The following CEP164 variants were observed in gnomAD, a reference collection of about 807,000 sequenced individuals.
CEP164 encodes the protein centrosomal protein of 164 kDa.
Under a neutral mutation model 182.7 loss-of-function variants are expected in CEP164, and 162 were observed. That is an observed-to-expected ratio of 0.89 (90% CI 0.78 to 1.01). The LOEUF is 1.01. Ranked by LOEUF, CEP164 falls within the 50% of genes least tolerant of loss-of-function variation. CEP164 has a pLI of 0.00. For synonymous variants in CEP164, 661 were observed against 690.0 expected (o/e 0.96, Z 0.66); for missense variants, 1,735 against 1,790.4 (o/e 0.97, Z 0.56).
chr11:117,344,288 AG>A lies in CEP164; in HGVS notation c.194+16del. On this transcript the variant is annotated intron_variant, in intron 4 of 32. Coordinates refer to ENST00000278935, the MANE Select transcript of CEP164 (RefSeq NM_014956.5). Reference sequence around the variant, plus strand: ...AGAGTGGAAACCATGGTAAGTCAGCAGGGGGTGCGGCCACTGACTTGGCCTA... The same window carrying A: ...AGAGTGGAAACCATGGTAAGTCAGCAGGGGTGCGGCCACTGACTTGGCCTA... 1.3e-6 allele frequency: 2 copies of A among 1,592,926 alleles called. No individual in the cohort carries two copies. The highest frequency in any genetic ancestry group is 1.1e-5 in the South Asian group (1 of 89,582).
At chr11:117,340,967 C>T (rs764377644) in intron 3 of CEP164, among the ~76,000 whole-genome samples, 2 of 152,196 alleles carry the variant, frequency 1.3e-5, no homozygotes, top group Non-Finnish European at 2.9e-5. Context: ...GCTGGGACTA[C>T]AGGTGCACGC....
intron 10 of CEP164, 91 bp downstream of exon 10, chr11:117,373,922 T>G: frequency 9.1e-7 from 1 of 1,097,576 alleles, no homozygotes; most frequent in Non-Finnish European, 1.4e-6. Flanking sequence ...ATCACGCAGC[T>G]TATAAGTGGG....
At chr11:117,404,915 C>T (rs551654073) in intron 27 of CEP164, among the ~76,000 whole-genome samples, 26 of 152,290 alleles carry the variant, frequency 1.7e-4, no homozygotes, top group South Asian at 1.0e-3. Context: ...TGGTGGGCTC[C>T]GTCCAGTTTG....
Position 117,408,481 on chromosome 11 carries a change from G to T in CEP164, c.3610-409G>T, listed in dbSNP as rs2046964099. On this transcript the variant is annotated intron_variant, in intron 28 of 32. Coordinates refer to ENST00000278935, the MANE Select transcript of CEP164 (RefSeq NM_014956.5). ...CAGGGAGAGCTTACTGGGAAGGGTGGTGGGGGTCTGTGTGGACCTGATGGC... is the reference window on the plus strand; with the variant it reads ...CAGGGAGAGCTTACTGGGAAGGGTGTTGGGGGTCTGTGTGGACCTGATGGC... 4 of 246,632 alleles carry T rather than the reference G, an allele frequency of 1.6e-5. 1 individual carries two copies. Among genetic ancestry groups the T allele is most frequent in the South Asian group, 1.3e-4 (2 of 15,682 alleles). The allele number at this position is 246,632 out of a possible 1,614,324, so 15.3% of individuals were successfully genotyped here.
At chr11:117,324,504 A>G (rs1004916690), upstream of CEP164, among the ~76,000 whole-genome samples, 24 of 151,580 alleles carry the variant, frequency 1.6e-4, no homozygotes, top group Non-Finnish European at 2.8e-4. Flanking sequence ...TTACTTTTTA[A>G]ATTATGTTTG....
rs779892894 is a variant in CEP164 at position 117,362,997 on chromosome 11, T to A, written c.688-432T>A. On this transcript the variant is annotated intron_variant, in intron 7 of 32. Coordinates refer to ENST00000278935, the MANE Select transcript of CEP164 (RefSeq NM_014956.5). ...GTTGTAGCATGTATTAGAACTTTGG[T>A]CCTTTTTAAGGCTGAATAATATTCC... is the stretch of plus-strand genomic sequence containing the variant. Among the ~76,000 whole-genome samples, 117 of 152,262 alleles carry A rather than the reference T, an allele frequency of 7.7e-4. 1 individual carries two copies. The highest frequency in any genetic ancestry group is 1.4e-3 in the Non-Finnish European group (93 of 68,048).
At chr11:117,376,802 A>G (rs910310218) in intron 11 of CEP164, among the ~76,000 whole-genome samples, 3 of 152,222 alleles carry the variant, frequency 2.0e-5, no homozygotes, top group Non-Finnish European at 4.4e-5. Flanking sequence ...ATGTGAAGGC[A>G]CAGTCAAAGG....
chr11:117,364,672 A>AT (rs2041420448), intron 8 of CEP164, among the ~76,000 whole-genome samples: 1 of 151,000 alleles, frequency 6.6e-6, no homozygotes, highest in South Asian at 2.1e-4. Context: ...ACACCCGGCT[A>AT]TTTTTTGTAG....
At chr11:117,327,929 A>G in intron 1 of CEP164, 25 bp downstream of exon 1, 1 of 152,066 alleles carries the variant, frequency 6.6e-6, no homozygotes, top group Non-Finnish European at 1.5e-5. Context: ...GCGTTGGGGG[A>G]GCTGCGCCTC....
At chr11:117,388,215 C>T (rs979410378) in intron 15 of CEP164, among the ~76,000 whole-genome samples, 13 of 152,178 alleles carry the variant, frequency 8.5e-5, no homozygotes, top group Admixed American at 4.6e-4. Context: ...CCACCCTGAG[C>T]TTGGCTGACT....
intron 25 of CEP164, 47 bp from the exon 26 acceptor site, chr11:117,396,503 G>A: frequency 6.6e-7 from 1 of 1,511,572 alleles, no homozygotes; most frequent in Non-Finnish European, 9.2e-7. Context: ...CCTGCAGGGT[G>A]TCTGCTTTTG....
chr11:117,327,603 A>T (rs946176315), upstream of CEP164, among the ~76,000 whole-genome samples: 24 of 151,886 alleles, frequency 1.6e-4, no homozygotes, highest in African/African-American at 5.8e-4. Context: ...CGCCCAGCCG[A>T]TGAGGTTCTC....
At position 117,348,063 on chromosome 11, in the gene CEP164, G is replaced by A. The variant is rs1459585103; in HGVS notation, c.195-3727G>A. On this transcript the variant is annotated intron_variant, in intron 4 of 32. Coordinates refer to ENST00000278935, the MANE Select transcript of CEP164 (RefSeq NM_014956.5). The stretch of plus-strand genomic sequence containing the variant: ...TGACTCACGGCACCCTCTACCTCCC[G>A]GGTTCAAGCGATCCTCCCACCTCAG... 2.6e-5 allele frequency among the ~76,000 whole-genome samples: 4 copies of A among 151,890 alleles called. 1 individual carries two copies. The highest frequency in any genetic ancestry group is 2.0e-4 in the Admixed American group (3 of 15,232).
At position 117,394,900 on chromosome 11, in the gene CEP164, G is replaced by A. The variant is rs1182052700; in HGVS notation, c.2761-20G>A. ...TGCCTTACACTCTTTCTATGCTTATGTGTTTCCCTTTCTGGGCAGGAAAGG... is the reference window on the plus strand; with the variant it reads ...TGCCTTACACTCTTTCTATGCTTATATGTTTCCCTTTCTGGGCAGGAAAGG... On this transcript the variant is annotated intron_variant, in intron 21 of 32. Coordinates refer to ENST00000278935, the MANE Select transcript of CEP164 (RefSeq NM_014956.5). This position sits in a 1 kb window ranked among gnomAD's most constrained non-coding sequence, Gnocchi z 4.0. The A allele has an allele frequency of 6.2e-7, 1 of 1,612,496 alleles. No individual in the cohort carries two copies. The highest frequency in any genetic ancestry group is 1.1e-5 in the South Asian group (1 of 90,924).
At chr11:117,337,103 C>G (rs1015288742) in intron 2 of CEP164, among the ~76,000 whole-genome samples, 1 of 152,120 alleles carries the variant, frequency 6.6e-6, no homozygotes, top group Non-Finnish European at 1.5e-5. Context: ...CTTGGGCTGC[C>G]GTAACACAAT....
At chr11:117,366,184 G>A (rs983433121) in intron 8 of CEP164, among the ~76,000 whole-genome samples, 2 of 152,012 alleles carry the variant, frequency 1.3e-5, no homozygotes, top group African/African-American at 4.8e-5. Flanking sequence ...AGGATAGCCA[G>A]TGCTGCCTCT....
upstream of CEP164, chr11:117,323,848 C>T (rs772295444): frequency 2.3e-4 from 94 of 414,386 alleles, no homozygotes; most frequent in Non-Finnish European, 4.0e-4. Context: ...TGGTTAGTAA[C>T]GTTGAACATT....
intron 5 of CEP164, chr11:117,355,482 G>C: frequency 1.0e-5 from 13 of 1,289,640 alleles, no homozygotes; most frequent in Non-Finnish European, 1.3e-5. Flanking sequence ...CACAGCCACA[G>C]CTTAGCCAAA....
At chr11:117,328,149 C>G (rs1591910097) in intron 1 of CEP164, 1 of 152,292 alleles carries the variant, frequency 6.6e-6, no homozygotes, top group Non-Finnish European at 1.5e-5. Flanking sequence ...GACAGTTCCT[C>G]CGTTTGAAAT....
Sources: gnomAD v4.1 joint callset for allele counts (sites outside exome capture counted in the v4.1 genomes callset) on GRCh38, gnomAD v4.1.1 for gene constraint, Gnocchi (gnomAD v3.1) non-coding constraint, MANE v1.5 for transcripts, NCBI Gene and HGNC (gene_info 2026-07-23, HGNC 2026-07-21) for gene names.